The following MME variants were observed in gnomAD, a reference collection of about 807,000 sequenced individuals.
The protein encoded by MME is neprilysin.
In MME, 98 loss-of-function variants were observed where a neutral mutation model predicts 113.2. That is an observed-to-expected ratio of 0.87 (90% CI 0.74 to 1.02). MME has a LOEUF of 1.02. Among genes scored for constraint, MME ranks in the 50% least tolerant of loss-of-function variants. The probability of loss-of-function intolerance (pLI) is 0.00; values close to 1 mark genes in which losing one functional copy is unlikely to be tolerated. For synonymous variants in MME, 292 were observed against 300.6 expected (o/e 0.97, Z 0.30); for missense variants, 836 against 896.0 (o/e 0.93, Z 0.86).
At chr3:155,053,635 T>C (rs1351886086) in intron 1 of MME, among the ~76,000 whole-genome samples, 2 of 152,110 alleles carry the variant, frequency 1.3e-5, no homozygotes, top group African/African-American at 2.4e-5. Flanking sequence ...AGCCAAACCT[T>C]ATCACACTAC....
chr3:155,075,994 C>A (rs574861828), upstream of MME, among the ~76,000 whole-genome samples: 4 of 152,282 alleles, frequency 2.6e-5, no homozygotes, highest in Middle Eastern at 0.014. Context: ...TCTCACATAT[C>A]AGATCTTCCA....
chr3:155,078,975 G>A (rs1391989201), upstream of MME, among the ~76,000 whole-genome samples: 1 of 152,136 alleles, frequency 6.6e-6, no homozygotes, highest in Non-Finnish European at 1.5e-5. Flanking sequence ...AGTAGGTAGA[G>A]CAGACACACT....
rs553155499 is a variant in MME at position 155,134,237 on chromosome 3, G to A, written c.721-3865G>A. The stretch of plus-strand genomic sequence containing the variant: ...TTAGAATATGAATGACCCCATCACT[G>A]AGGTAGTGAGCATAGTACCCAATAG... On this transcript the variant is annotated intron_variant, in intron 8 of 22. Coordinates refer to ENST00000360490, the MANE Select transcript of MME (RefSeq NM_007289.4). 2.9e-4 allele frequency among the ~76,000 whole-genome samples: 44 copies of A among 152,156 alleles called. 1 individual carries two copies. The highest frequency in any genetic ancestry group is 8.9e-4 in the African/African-American group (37 of 41,540).
chr3:155,049,723 T>C (rs1239590788), intron 1 of MME, among the ~76,000 whole-genome samples: 2 of 152,074 alleles, frequency 1.3e-5, no homozygotes, highest in African/African-American at 2.4e-5. Context: ...AAAAGGATGT[T>C]TCTGGTGTGA....
chr3:155,038,420 G>A (rs966685570), intron 1 of MME, among the ~76,000 whole-genome samples: 11 of 149,736 alleles, frequency 7.3e-5, no homozygotes, highest in East Asian at 2.0e-4. Context: ...TGGTCATTGC[G>A]GATCCACACT....
At chr3:155,039,676 C>A (rs1713243929) in intron 1 of MME, among the ~76,000 whole-genome samples, 1 of 151,796 alleles carries the variant, frequency 6.6e-6, no homozygotes, top group Non-Finnish European at 1.5e-5. Context: ...TAAGAGAATT[C>A]CTGGATTTTA....
chr3:155,174,266 A>G (rs1388384847), intron 22 of MME, among the ~76,000 whole-genome samples: 3 of 149,168 alleles, frequency 2.0e-5, no homozygotes, highest in African/African-American at 7.4e-5. Flanking sequence ...TTAAGTCTTT[A>G]TTGTTGTTCT....
intron 3 of MME, among the ~76,000 whole-genome samples, chr3:155,099,963 G>A (rs1717062891): frequency 6.6e-6 from 1 of 152,158 alleles, no homozygotes; most frequent in African/African-American, 2.4e-5. Flanking sequence ...AGAAAACCGA[G>A]GCAATACCAT....
intron 13 of MME, 101 bp from the exon 14 acceptor site, chr3:155,144,258 C>A: frequency 2.5e-6 from 2 of 798,048 alleles, no homozygotes; most frequent in Non-Finnish European, 4.4e-6. Context: ...CGTTTATTAA[C>A]ATATTAAGTC....
Position 155,081,616 on chromosome 3 carries a change from A to T in MME, c.-11+1150A>T, listed in dbSNP as rs1299219829. ...ATGGGACTATAAGCCTCAACTTGGTATTTTTTTTTTTTTTGTATTCTTTTG... is the reference window on the plus strand; with the variant it reads ...ATGGGACTATAAGCCTCAACTTGGTTTTTTTTTTTTTTTTGTATTCTTTTG... On this transcript the variant is annotated intron_variant, in intron 1 of 22. Coordinates refer to ENST00000360490, the MANE Select transcript of MME (RefSeq NM_007289.4). The T allele has an allele frequency of 7.8e-5, 11 of 140,446 alleles. No individual in the cohort carries two copies. The South Asian group carries it at 9.1e-4, about 12-fold the overall frequency. 8.7% of individuals were successfully genotyped at this position (140,446 alleles called of 1,614,324 possible).
chr3:155,161,306 A>T (rs1181604877), intron 17 of MME, among the ~76,000 whole-genome samples: 3 of 151,998 alleles, frequency 2.0e-5, no homozygotes, highest in African/African-American at 7.2e-5. Flanking sequence ...CTGCAGGTGC[A>T]CTCAGTTCTC....
intron 3 of MME, among the ~76,000 whole-genome samples, chr3:155,103,252 A>G (rs1224707047): frequency 6.6e-6 from 1 of 152,218 alleles, no homozygotes; most frequent in Non-Finnish European, 1.5e-5. Context: ...TGATTGAATA[A>G]ATATACTCTC....
In MME at chr3:155,148,631, C is replaced by T. The variant is rs781376762; in HGVS notation, c.1579C>T (p.Arg527Ter). The T allele has an allele frequency of 1.1e-5, 17 of 1,612,188 alleles. No individual in the cohort carries two copies. The highest frequency in any genetic ancestry group is 1.3e-5 in the African/African-American group (1 of 74,910). Residue 527 changes from arginine to a stop codon, truncating the protein, a stop_gained, in exon 16 of 23, where the codon CGA becomes TGA. Transcript: ENST00000360490. LOFTEE classifies it high-confidence loss of function. ...CCAAAGTAAACAACTGAAGAAGCTC[C>T]GAGAAAAGGTGGACAAAGATGAGTG... ...FSQSKQLKKL[R>*]EKVDKDEWIS...
chr3:155,086,371 A>G (rs867021199), intron 3 of MME, among the ~76,000 whole-genome samples: 1 of 152,236 alleles, frequency 6.6e-6, no homozygotes, highest in South Asian at 2.1e-4. Flanking sequence ...AGACAGGAGG[A>G]AGGTAGAGAT....
At chr3:155,149,834 C>T (rs1175977571) in intron 16 of MME, among the ~76,000 whole-genome samples, 1 of 152,146 alleles carries the variant, frequency 6.6e-6, no homozygotes, top group African/African-American at 2.4e-5. Context: ...AAAGAGAGAG[C>T]AACTCTTTTG....
intron 22 of MME, among the ~76,000 whole-genome samples, chr3:155,178,050 C>T (rs912464680): frequency 2.6e-5 from 4 of 152,128 alleles, no homozygotes; most frequent in Admixed American, 6.6e-5. Flanking sequence ...GGGCCTTGCT[C>T]AGAGCAGGAA....
chr3:155,044,782 A>G (rs2108123617), intron 1 of MME, among the ~76,000 whole-genome samples: 1 of 152,336 alleles, frequency 6.6e-6, no homozygotes, highest in South Asian at 2.1e-4. Flanking sequence ...GAAAAATTAT[A>G]TTAGTTAATT....
At chr3:155,096,027 C>G (rs1214652091) in intron 3 of MME, among the ~76,000 whole-genome samples, 1 of 152,080 alleles carries the variant, frequency 6.6e-6, no homozygotes, top group East Asian at 1.9e-4. Flanking sequence ...TGTGCATAGT[C>G]TGTATGCAAG....
At chr3:155,056,718 G>C (rs1713942061) in intron 1 of MME, among the ~76,000 whole-genome samples, 1 of 152,068 alleles carries the variant, frequency 6.6e-6, no homozygotes, top group South Asian at 2.1e-4. Context: ...GGGTCAAATG[G>C]TATTTCTAGT....
Sources: gnomAD v4.1 joint callset for allele counts (sites outside exome capture counted in the v4.1 genomes callset) on GRCh38, gnomAD v4.1.1 for gene constraint, MANE v1.5 for transcripts, NCBI Gene and HGNC (gene_info 2026-07-23, HGNC 2026-07-21) for gene names.